The following MSANTD5 variants were observed in gnomAD, a reference collection of about 807,000 sequenced individuals.
MSANTD5 encodes the protein Myb/SANT DNA binding domain containing 5, also known as uncharacterized protein MSANTD5.
chr5:178,701,852 G>A (rs1288693619), upstream of MSANTD5, among the ~76,000 whole-genome samples: 1 of 150,382 alleles, frequency 6.6e-6, no homozygotes, highest in Non-Finnish European at 1.5e-5. Flanking sequence ...TTCAACCTCA[G>A]CCTCCCGAGT....
downstream of MSANTD5, among the ~76,000 whole-genome samples, chr5:178,693,515 G>A (rs1346175200): frequency 1.3e-5 from 2 of 151,946 alleles, no homozygotes; most frequent in African/African-American, 4.8e-5. Context: ...ATGAAGCCAC[G>A]TACCTTCACC....
the MSANTD5 span, among the ~76,000 whole-genome samples, chr5:178,705,653 C>T: frequency 6.6e-6 from 1 of 152,086 alleles, no homozygotes; most frequent in Non-Finnish European, 1.5e-5. Flanking sequence ...GTATCCCCAA[C>T]TGCAAAATAG....
upstream of MSANTD5, among the ~76,000 whole-genome samples, chr5:178,701,073 A>T (rs1402412494): frequency 6.6e-6 from 1 of 152,046 alleles, no homozygotes; most frequent in East Asian, 1.9e-4. Flanking sequence ...TCCCAGGTTC[A>T]CGCCATTCTC....
the MSANTD5 span, among the ~76,000 whole-genome samples, chr5:178,704,533 T>C: frequency 6.6e-6 from 1 of 152,244 alleles, no homozygotes; most frequent in Admixed American, 6.5e-5. Context: ...AATACATTTC[T>C]GTTTTTATAA....
At chr5:178,701,944 G>C (rs902087615), upstream of MSANTD5, among the ~76,000 whole-genome samples, 1 of 151,002 alleles carries the variant, frequency 6.6e-6, no homozygotes. Flanking sequence ...TGTTGGTCAG[G>C]CTGGTCTCAA....
At chr5:178,697,963 T>A (rs950993102), upstream of MSANTD5, among the ~76,000 whole-genome samples, 3 of 152,114 alleles carry the variant, frequency 2.0e-5, no homozygotes. Flanking sequence ...GTTCTAAGGG[T>A]CTCTGAGACC....
chr5:178,696,005 C>T (rs1308850659), intron 2 of MSANTD5, 92 bp downstream of exon 2: 1 of 152,174 alleles, frequency 6.6e-6, no homozygotes, highest in African/African-American at 2.4e-5. Context: ...GATGCCCCCT[C>T]TTGGGGCTTG....
upstream of MSANTD5, among the ~76,000 whole-genome samples, chr5:178,702,274 C>T (rs138599303): frequency 6.7e-5 from 10 of 150,040 alleles, no homozygotes; most frequent in East Asian, 1.9e-4. Context: ...GCAGAGAATA[C>T]GTGGCAATTT....
At chr5:178,697,807 G>A (rs1222771721), upstream of MSANTD5, 2 of 152,166 alleles carry the variant, frequency 1.3e-5, no homozygotes, top group Admixed American at 1.3e-4. Context: ...AAATGTGATT[G>A]GGTCAGACCC....
At chr5:178,700,159 G>A (rs1054450553), upstream of MSANTD5, among the ~76,000 whole-genome samples, 2 of 152,070 alleles carry the variant, frequency 1.3e-5, no homozygotes. Context: ...CATGGGGGCC[G>A]TCTCCATCCC....
chr5:178,692,787 G>T (rs963056581), downstream of MSANTD5, among the ~76,000 whole-genome samples: 1 of 151,984 alleles, frequency 6.6e-6, no homozygotes, highest in Non-Finnish European at 1.5e-5. Flanking sequence ...AGGGGCTGAG[G>T]GCGGGAGGGA....
chr5:178,697,249 T>C (rs1201927383), intron 1 of MSANTD5, among the ~76,000 whole-genome samples: 2 of 150,454 alleles, frequency 1.3e-5, no homozygotes, highest in Non-Finnish European at 3.0e-5. Flanking sequence ...GGTCAGGAGA[T>C]CGAGACCATC....
chr5:178,692,379 CAAAA>C (rs60186176), downstream of MSANTD5, among the ~76,000 whole-genome samples: 2 of 118,652 alleles, frequency 1.7e-5, no homozygotes, highest in African/African-American at 3.1e-5. Flanking sequence ...GACTCCATCT[CAAAA>C]AAAAAAAAAA....
intron 1 of MSANTD5, 127 bp downstream of exon 1, chr5:178,697,459 T>A (rs7446765): frequency 0.96 from 145,617 of 152,304 alleles, 69,786 homozygotes; most frequent in African/African-American, 0.99. Flanking sequence ...GTCTCAAAAA[T>A]ATAAATAAAT....
upstream of MSANTD5, among the ~76,000 whole-genome samples, chr5:178,700,609 C>T (rs912750077): frequency 1.8e-5 from 1 of 54,980 alleles, no homozygotes; most frequent in Admixed American, 2.4e-4. Flanking sequence ...CTAGCACTCC[C>T]GAGAGAGTGT....
At chr5:178,703,980 CAAAA>C in the MSANTD5 span, among the ~76,000 whole-genome samples, 7 of 60,252 alleles carry the variant, frequency 1.2e-4, no homozygotes, top group South Asian at 5.9e-4. Context: ...GACTCCGTCT[CAAAA>C]AAAAAAAAAA....
upstream of MSANTD5, among the ~76,000 whole-genome samples, chr5:178,702,282 T>A (rs1765494736): frequency 6.6e-6 from 1 of 150,900 alleles, no homozygotes; most frequent in African/African-American, 2.4e-5. Context: ...TACGTGGCAA[T>A]TTTTCTTTCT....
chr5:178,707,295 C>T, the MSANTD5 span: 65 of 152,206 alleles, frequency 4.3e-4, no homozygotes, highest in African/African-American at 1.5e-3. Flanking sequence ...GGAACAATTT[C>T]ATGATGACTT....
At chr5:178,700,190 G>A (rs891420317), upstream of MSANTD5, among the ~76,000 whole-genome samples, 9 of 152,116 alleles carry the variant, frequency 5.9e-5, no homozygotes, top group African/African-American at 1.9e-4. Flanking sequence ...CACAGGTGCT[G>A]CCTCGCCATG....
Sources: gnomAD v4.1 joint callset for allele counts (sites outside exome capture counted in the v4.1 genomes callset) on GRCh38, gnomAD v4.1.1 for gene constraint, MANE v1.5 for transcripts, NCBI Gene and HGNC (gene_info 2026-07-23, HGNC 2026-07-21) for gene names.